Variants in KCNH5 observed in about 807,000 individuals in gnomAD.
The protein encoded by KCNH5 is potassium voltage-gated channel subfamily H member 5.
Under a neutral mutation model 96.1 loss-of-function variants are expected in KCNH5, and 46 were observed. The ratio of observed to expected loss-of-function variants is 0.48; its 90% CI spans 0.38 to 0.61. The LOEUF (loss-of-function observed/expected upper bound fraction) is 0.61, where lower values mean the gene tolerates loss of function less well. KCNH5 is among the 20% of genes least tolerant of loss of function. KCNH5 has a pLI of 0.00. For synonymous variants in KCNH5, 439 were observed against 449.8 expected (o/e 0.98, Z 0.30); for missense variants, 907 against 1,225.8 (o/e 0.74, Z 3.88).
intron 10 of KCNH5, among the ~76,000 whole-genome samples, chr14:62,748,897 A>C (rs531153385): frequency 2.3e-4 from 35 of 152,322 alleles, no homozygotes; most frequent in Admixed American, 1.5e-3. Context: ...ATCATTCCCA[A>C]GTAAACTAAA....
At position 62,875,801 on chromosome 14, in the gene KCNH5, G is replaced by A. The variant is rs1888360281; in HGVS notation, c.1370-25949C>T. On this transcript the variant is annotated intron_variant, in intron 7 of 10. Transcript: ENST00000322893. ...GGAGGCCGAGGCAAGTGGATCACGA[G>A]GTCAGGAGATTAAGACCAGCCTGGT... Among the ~76,000 whole-genome samples, 4 of 152,152 alleles carry A rather than the reference G, an allele frequency of 2.6e-5. No individual in the cohort carries two copies. The South Asian group carries it at 8.3e-4, about 32-fold the overall frequency.
At chr14:62,830,258 CTTCTG>C (rs1306899455) in intron 8 of KCNH5, among the ~76,000 whole-genome samples, 1 of 152,182 alleles carries the variant, frequency 6.6e-6, no homozygotes, top group African/African-American at 2.4e-5. Flanking sequence ...TTCCTGTCTT[CTTCTG>C]AGCCCTCCAA....
chr14:62,917,123 A>G (rs1889290263), intron 7 of KCNH5, among the ~76,000 whole-genome samples: 1 of 152,218 alleles, frequency 6.6e-6, no homozygotes, highest in African/African-American at 2.4e-5. Context: ...GAGGAGATAT[A>G]TTAGAAAATG....
intron 4 of KCNH5, among the ~76,000 whole-genome samples, chr14:62,989,650 A>G (rs1307784889): frequency 1.3e-5 from 2 of 152,182 alleles, no homozygotes; most frequent in African/African-American, 4.8e-5. Flanking sequence ...ACCTGGCACT[A>G]ACAACACTGA....
intron 10 of KCNH5, among the ~76,000 whole-genome samples, chr14:62,728,155 C>G (rs2139921036): frequency 6.6e-6 from 1 of 151,042 alleles, no homozygotes; most frequent in East Asian, 1.9e-4. Context: ...CTGAGGCGGG[C>G]AGATCATCTG....
At chr14:62,859,790 C>T (rs1308957854) in intron 7 of KCNH5, among the ~76,000 whole-genome samples, 1 of 152,156 alleles carries the variant, frequency 6.6e-6, no homozygotes, top group Non-Finnish European at 1.5e-5. Flanking sequence ...CTGCAGCTGT[C>T]CACTTTCGGG....
At chr14:62,856,414 A>C (rs1887928614) in intron 7 of KCNH5, among the ~76,000 whole-genome samples, 1 of 152,232 alleles carries the variant, frequency 6.6e-6, no homozygotes, top group Non-Finnish European at 1.5e-5. Context: ...TAAGCAGTTT[A>C]AACTATTGAT....
Position 62,853,470 on chromosome 14 carries a change from T to TGTC in KCNH5, c.1370-3619_1370-3618insGAC, listed in dbSNP as rs140776476. Among the ~76,000 whole-genome samples, 2 of 128,808 alleles carry TGTC rather than the reference T, an allele frequency of 1.6e-5. 1 individual carries two copies. The highest frequency in any genetic ancestry group is 4.4e-4 in the East Asian group (2 of 4,594). 84.5% of individuals were successfully genotyped at this position (128,808 alleles called of 152,430 possible). ...AAAAGAATAATCATATATATATATA[T>TGTC]ATATATATATCATATATATATATAA... On this transcript the variant is annotated intron_variant, in intron 7 of 10. Transcript: ENST00000322893.
intron 4 of KCNH5, among the ~76,000 whole-genome samples, chr14:62,990,290 C>T (rs1265114692): frequency 6.6e-6 from 1 of 151,970 alleles, no homozygotes; most frequent in Non-Finnish European, 1.5e-5. Context: ...CTCTGGCTTT[C>T]CATTTGAAGC....
chr14:62,894,953 C>T (rs1453653815), intron 7 of KCNH5, among the ~76,000 whole-genome samples: 1 of 152,192 alleles, frequency 6.6e-6, no homozygotes, highest in Non-Finnish European at 1.5e-5. Context: ...CTATAATCTA[C>T]TCTAATGATA....
At position 62,997,281 on chromosome 14, in the gene KCNH5, T is replaced by TTGGGGAGTAAGA. The variant is rs1384856305; in HGVS notation, c.433+4038_433+4049dup. On this transcript the variant is annotated intron_variant, in intron 4 of 10. Coordinates refer to ENST00000322893, the MANE Select transcript of KCNH5 (RefSeq NM_139318.5). ...GGTTACAAGAGGCTGGGAAGGGTAG[T>TTGGGGAGTAAGA]TGGGGAGTAAGATGGGGAGATGGTT... Among the ~76,000 whole-genome samples the TTGGGGAGTAAGA allele has an allele frequency of 2.0e-5, 3 of 152,132 alleles. No individual in the cohort carries two copies. In the East Asian group the frequency reaches 5.8e-4, roughly 29 times the overall value.
At chr14:63,004,820 T>C in intron 3 of KCNH5, among the ~76,000 whole-genome samples, 1 of 152,152 alleles carries the variant, frequency 6.6e-6, no homozygotes, top group Non-Finnish European at 1.5e-5. Context: ...AGGCTTCACC[T>C]ACATATTTTT....
chr14:62,850,142 A>T (rs1887775944), intron 7 of KCNH5, among the ~76,000 whole-genome samples: 1 of 152,204 alleles, frequency 6.6e-6, no homozygotes, highest in East Asian at 1.9e-4. Flanking sequence ...TTTCTGAAGA[A>T]TCAGATGATC....
At chr14:62,728,138 T>C (rs1030852911) in intron 10 of KCNH5, among the ~76,000 whole-genome samples, 1 of 151,424 alleles carries the variant, frequency 6.6e-6, no homozygotes, top group African/African-American at 2.4e-5. Context: ...TCCCACACCT[T>C]AGGAGGCTGA....
rs975174805 is a variant in KCNH5 at position 63,010,402 on chromosome 14, CTTCTCCAGGA to C, written c.198-3940_198-3931del. Among the ~76,000 whole-genome samples the C allele has an allele frequency of 1.1e-4, 17 of 152,270 alleles. 1 individual carries two copies. Among genetic ancestry groups the C allele is most frequent in the African/African-American group, 3.6e-4 (15 of 41,548 alleles). Reference sequence around the variant, plus strand: ...TCCCCACCCCAGCCTCACTCCCTAGCTTCTCCAGGATTCTCCAGGAACCATGCTTTCCAAA... The same window carrying C: ...TCCCCACCCCAGCCTCACTCCCTAGCTTCTCCAGGAACCATGCTTTCCAAA... On this transcript the variant is annotated intron_variant, in intron 2 of 10. Coordinates refer to ENST00000322893, the MANE Select transcript of KCNH5 (RefSeq NM_139318.5).
chr14:62,708,574 T>C (rs1884495671), intron 10 of KCNH5, 119 bp from the exon 11 acceptor site: 2 of 614,504 alleles, frequency 3.3e-6, no homozygotes, highest in Non-Finnish European at 5.2e-6. Context: ...TTTGATAAGA[T>C]TATTTCTCAA....
chr14:62,908,782 A>ATTTTT (rs71120241), intron 7 of KCNH5, among the ~76,000 whole-genome samples: 875 of 23,716 alleles, frequency 0.037, 222 homozygotes, highest in East Asian at 0.15. Context: ...TTTGCTTTGT[A>ATTTTT]TTTTTTTTTT....
At chr14:62,988,033 T>A (rs1192922325) in intron 4 of KCNH5, among the ~76,000 whole-genome samples, 1 of 152,162 alleles carries the variant, frequency 6.6e-6, no homozygotes, top group Non-Finnish European at 1.5e-5. Flanking sequence ...TTGTTAATAA[T>A]GTCTTCTGAA....
intron 7 of KCNH5, among the ~76,000 whole-genome samples, chr14:62,854,413 A>G (rs189042896): frequency 6.6e-6 from 1 of 152,308 alleles, no homozygotes; most frequent in East Asian, 1.9e-4. Flanking sequence ...AATATACAGA[A>G]GGAATATACA....
Sources: gnomAD v4.1 joint callset for allele counts (sites outside exome capture counted in the v4.1 genomes callset) on GRCh38, gnomAD v4.1.1 for gene constraint, MANE v1.5 for transcripts, NCBI Gene and HGNC (gene_info 2026-07-23, HGNC 2026-07-21) for gene names.